PIGN: variants seen among roughly 807,000 people sequenced by gnomAD.
PIGN encodes the protein GPI ethanolamine phosphate transferase 1.
Under a neutral mutation model 125.4 loss-of-function variants are expected in PIGN, and 117 were observed. The ratio of observed to expected loss-of-function variants is 0.93; its 90% CI spans 0.80 to 1.09. PIGN has a LOEUF of 1.09. Ranked by LOEUF, PIGN falls within the 50% of genes least tolerant of loss-of-function variation. The pLI, the probability that PIGN is intolerant of heterozygous loss-of-function variation, is 0.00. For missense variants in PIGN, 1,075 were observed against 1,094.9 expected, an observed-to-expected ratio of 0.98 and a Z score of 0.26; for synonymous variants, 392 against 377.8, an observed-to-expected ratio of 1.04 and a Z score of -0.44.
At position 62,148,319 on chromosome 18, in the gene PIGN, C is replaced by A; in HGVS notation, c.569G>T (p.Arg190Ile). The part of the protein sequence containing the change: ...DNVKDFFHHA[R>I]NNQSLFSKIN... ...TTTAGAAAACAAAGACTGGTTGTTT[C>A]TGGCATGATGAAAGAAGTCCTACAT... Residue 190 changes from arginine (R) to isoleucine (I), a missense_variant, in exon 8 of 31, where the codon AGA (arginine) becomes ATA (isoleucine). Transcript: ENST00000640252. The A allele has an allele frequency of 6.6e-7, 1 of 1,518,490 alleles. No individual in the cohort carries two copies. Among genetic ancestry groups the A allele is most frequent in the South Asian group, 1.3e-5 (1 of 78,058 alleles). 94.1% of individuals were successfully genotyped at this position (1,518,490 alleles called of 1,614,324 possible).
intron 13 of PIGN, 36 bp downstream of exon 13, chr18:62,138,947 C>A (rs780482931): frequency 1.9e-6 from 2 of 1,064,038 alleles, no homozygotes; most frequent in South Asian, 1.6e-5. Context: ...TAGTATTGTC[C>A]ATTTTTGTGC....
chr18:62,047,314 C>T (rs917357468), intron 30 of PIGN, among the ~76,000 whole-genome samples: 3 of 152,200 alleles, frequency 2.0e-5, no homozygotes, highest in Non-Finnish European at 4.4e-5. Context: ...TCTGTCCATA[C>T]CTGGAGGATG....
At chr18:62,133,622 GC>G (rs1471417075) in intron 14 of PIGN, among the ~76,000 whole-genome samples, 5 of 151,854 alleles carry the variant, frequency 3.3e-5, no homozygotes, top group Admixed American at 6.6e-5. Flanking sequence ...TGTTTATATT[GC>G]CTGTTATGTC....
At chr18:62,103,090 CTT>C (rs1285192876) in intron 20 of PIGN, among the ~76,000 whole-genome samples, 188 bp from the exon 21 acceptor site, 1 of 152,024 alleles carries the variant, frequency 6.6e-6, no homozygotes, top group Non-Finnish European at 1.5e-5. Context: ...TTTAAGAAAA[CTT>C]TTAATCTTAG....
chr18:62,176,518 C>T (rs62096116), intron 1 of PIGN, among the ~76,000 whole-genome samples: 62,307 of 151,776 alleles, frequency 0.41, 13,455 homozygotes, highest in East Asian at 0.78. Context: ...ATGGTTAACA[C>T]AACCAATAGT....
At chr18:62,078,607 C>T (rs1224081239) in intron 28 of PIGN, among the ~76,000 whole-genome samples, 1 of 152,210 alleles carries the variant, frequency 6.6e-6, no homozygotes, top group Non-Finnish European at 1.5e-5. Context: ...ATACACTATT[C>T]AATATTCATG....
chr18:62,085,278 A>G lies in PIGN; in HGVS notation c.2371-14T>C. ...TAAGAAGAAAACCTAAAGGGAGTCAAGGAAATGGCAAAACAACTCAGATTT... is the reference window on the plus strand; with the variant it reads ...TAAGAAGAAAACCTAAAGGGAGTCAGGGAAATGGCAAAACAACTCAGATTT... On this transcript the variant is annotated splice_polypyrimidine_tract_variant and intron_variant, in intron 25 of 30. Transcript: ENST00000640252. 2.0e-6 allele frequency: 3 copies of G among 1,528,060 alleles called. 1 individual carries two copies. Among genetic ancestry groups the G allele is most frequent in the Middle Eastern group, 3.4e-4 (2 of 5,922 alleles). 94.7% of individuals were successfully genotyped at this position (1,528,060 alleles called of 1,614,324 possible). A position where few individuals can be genotyped will look rare whatever the true frequency, so the allele number is the denominator to read the frequency against.
In PIGN at chr18:62,063,203, C is replaced by CTTTATCCAAAATCTATGGTTTTATAGAT. The variant is rs1333645921; in HGVS notation, c.2672+9442_2672+9469dup. Among the ~76,000 whole-genome samples the CTTTATCCAAAATCTATGGTTTTATAGAT allele has an allele frequency of 7.4e-3, 1,098 of 149,284 alleles. 27 individuals carry two copies. Among genetic ancestry groups the CTTTATCCAAAATCTATGGTTTTATAGAT allele is most frequent in the Non-Finnish European group, 8.6e-3 (581 of 67,318 alleles). ...CCCAAAGGCTATTTTCTAGAAATTTCTTTATCCAAAATCTATGGTTTTATA... is the reference window on the plus strand; with the variant it reads ...CCCAAAGGCTATTTTCTAGAAATTTCTTTATCCAAAATCTATGGTTTTATAGATTTTATCCAAAATCTATGGTTTTATA... On this transcript the variant is annotated intron_variant, in intron 30 of 30. Transcript: ENST00000640252.
chr18:62,037,525 G>T (rs927863733), downstream of PIGN, among the ~76,000 whole-genome samples: 1 of 152,204 alleles, frequency 6.6e-6, no homozygotes, highest in Non-Finnish European at 1.5e-5. Flanking sequence ...CACAACCACT[G>T]CCTCTTACGG....
chr18:62,050,312 T>C (rs1599396219), intron 30 of PIGN, among the ~76,000 whole-genome samples: 1 of 151,942 alleles, frequency 6.6e-6, no homozygotes, highest in South Asian at 2.1e-4. Flanking sequence ...TTTCACGATA[T>C]TGATTCTTCC....
rs191283353 is a variant in PIGN, at chr18:62,141,149, T to G, written c.964-670A>C. Among the ~76,000 whole-genome samples the G allele has an allele frequency of 8.5e-5, 13 of 152,334 alleles. No individual in the cohort carries two copies. The East Asian group carries it at 2.5e-3, about 29-fold the overall frequency. On this transcript the variant is annotated intron_variant, in intron 11 of 30. Transcript: ENST00000640252. ...CTAAATCTAATTGACTATGTTTATG[T>G]AAGTCCTTATAATTTTTCAGGCAAT...
intron 17 of PIGN, among the ~76,000 whole-genome samples, chr18:62,107,308 C>T (rs1401099668): frequency 2.6e-5 from 4 of 151,554 alleles, no homozygotes; most frequent in East Asian, 1.9e-4. Flanking sequence ...AATTTGAAAA[C>T]GATCAGCCAG....
At chr18:62,030,530 A>G (rs1480900999) in intron 23 of PIGN, among the ~76,000 whole-genome samples, 1 of 152,242 alleles carries the variant, frequency 6.6e-6, no homozygotes, top group Non-Finnish European at 1.5e-5. Flanking sequence ...AGCTCTATAC[A>G]TGTCCAGAAA....
intron 23 of PIGN, among the ~76,000 whole-genome samples, chr18:62,095,483 GA>G (rs1238537742): frequency 2.6e-5 from 4 of 152,042 alleles, no homozygotes; most frequent in Non-Finnish European, 5.9e-5. Context: ...ATTCAAAGAA[GA>G]ATGGACAAAT....
chr18:62,043,804 AT>A lies in PIGN; in HGVS notation c.*2051del. On this transcript the variant is annotated 3_prime_UTR_variant, in exon 31 of 31. Transcript: ENST00000640252. The stretch of plus-strand genomic sequence containing the variant: ...TTCACAACTTGTTCTGCCTATTTTA[AT>A]TCTTATAACAATTCCTAATTTAAAC... The A allele has an allele frequency of 6.6e-6, 1 of 152,312 alleles. No homozygotes were observed. Among genetic ancestry groups the A allele is most frequent in the African/African-American group, 2.4e-5 (1 of 41,576 alleles). The allele number at this position is 152,312 out of a possible 1,614,324, so 9.4% of individuals were successfully genotyped here. A position where few individuals can be genotyped will look rare whatever the true frequency, so the allele number is the denominator to read the frequency against.
At chr18:62,087,093 T>C (rs10503059) in intron 25 of PIGN, among the ~76,000 whole-genome samples, 25,686 of 152,000 alleles carry the variant, frequency 0.17, 2,914 homozygotes, top group Middle Eastern at 0.28. Flanking sequence ...CATCTTAGAG[T>C]TGTTTGCATA....
chr18:62,065,922 C>T (rs1168887137), intron 30 of PIGN, among the ~76,000 whole-genome samples: 1 of 151,964 alleles, frequency 6.6e-6, no homozygotes, highest in Middle Eastern at 3.2e-3. Context: ...ATGCTGCAGC[C>T]AAGGAAAATT....
At chr18:62,048,097 A>AG (rs1438685047) in intron 30 of PIGN, among the ~76,000 whole-genome samples, 12 of 152,186 alleles carry the variant, frequency 7.9e-5, no homozygotes, top group Admixed American at 3.3e-4. Flanking sequence ...AGCAGAACTG[A>AG]GGGGGCACAG....
At position 62,167,145 on chromosome 18, in the gene PIGN, C is replaced by T. The variant is rs994095259; in HGVS notation, c.-235-3489G>A. Among the ~76,000 whole-genome samples, 7 of 152,062 alleles carry T rather than the reference C, an allele frequency of 4.6e-5. No homozygotes were observed. The South Asian group carries it at 8.3e-4, about 18-fold the overall frequency. The stretch of plus-strand genomic sequence containing the variant: ...TCCTTAAGAACACAGACTGACACCT[C>T]GTTCTCTCCCGTATGCCTTGTCTAT... On this transcript the variant is annotated intron_variant, in intron 1 of 30. Transcript: ENST00000640252.
Sources: gnomAD v4.1 joint callset for allele counts (sites outside exome capture counted in the v4.1 genomes callset) on GRCh38, gnomAD v4.1.1 for gene constraint, MANE v1.5 for transcripts, NCBI Gene and HGNC (gene_info 2026-07-23, HGNC 2026-07-21) for gene names.